The following ADD3 variants were observed in gnomAD, a reference collection of about 807,000 sequenced individuals.
ADD3 encodes the protein adducin 3.
In ADD3, 25 loss-of-function variants were observed where a neutral mutation model predicts 80.2. That is an observed-to-expected ratio of 0.31 (90% CI 0.23 to 0.44). The LOEUF is 0.44. Ranked by LOEUF, ADD3 falls within the 20% of genes least tolerant of loss-of-function variation. The probability of loss-of-function intolerance (pLI) is 1.00; values close to 1 mark genes in which losing one functional copy is unlikely to be tolerated. For missense variants in ADD3, 829 were observed against 847.5 expected (o/e 0.98, Z 0.27); for synonymous variants, 284 against 289.6 (o/e 0.98, Z 0.20).
intron 1 of ADD3, among the ~76,000 whole-genome samples, chr10:110,069,722 G>C (rs540289188): frequency 1.3e-5 from 2 of 152,054 alleles, no homozygotes; most frequent in South Asian, 4.1e-4. Flanking sequence ...ATGGTGATGT[G>C]GTGTCAGATT....
chr10:110,114,935 C>A lies in ADD3; in HGVS notation c.335-1324C>A, dbSNP rs188109784. 2.2e-3 allele frequency among the ~76,000 whole-genome samples: 330 copies of A among 151,864 alleles called. 2 individuals are homozygous for A. The highest frequency in any genetic ancestry group is 3.6e-3 in the Non-Finnish European group (243 of 67,948). Reference sequence around the variant, plus strand: ...TCCACTAAACAAATTAAAAAATTAGCCAGGTGTGGCAGCATGCCCTGTAGT... The same window carrying A: ...TCCACTAAACAAATTAAAAAATTAGACAGGTGTGGCAGCATGCCCTGTAGT... On this transcript the variant is annotated intron_variant, in intron 3 of 14. Transcript: ENST00000356080.
At chr10:110,023,811 A>T (rs1853965833) in intron 1 of ADD3, among the ~76,000 whole-genome samples, 1 of 152,230 alleles carries the variant, frequency 6.6e-6, no homozygotes, top group African/African-American at 2.4e-5. Flanking sequence ...TTGGCTAAAG[A>T]ATAGTCTTTT....
At chr10:110,112,611 T>C (rs1036620855) in intron 2 of ADD3, among the ~76,000 whole-genome samples, 166 bp from the exon 3 acceptor site, 7 of 152,242 alleles carry the variant, frequency 4.6e-5, no homozygotes, top group Non-Finnish European at 7.3e-5. Context: ...TCTTGCTGCT[T>C]CTTGCAGTGC....
intron 1 of ADD3, among the ~76,000 whole-genome samples, chr10:110,040,279 T>C (rs1313766724): frequency 6.6e-6 from 1 of 152,216 alleles, no homozygotes; most frequent in Non-Finnish European, 1.5e-5. Flanking sequence ...TAGTGGAACA[T>C]GTGATGCAGC....
intron 3 of ADD3, among the ~76,000 whole-genome samples, chr10:110,115,624 A>T (rs528316872): frequency 6.6e-6 from 1 of 152,348 alleles, no homozygotes; most frequent in Admixed American, 6.5e-5. Flanking sequence ...GCATGTAGAC[A>T]AGGAATAAGA....
intron 1 of ADD3, among the ~76,000 whole-genome samples, chr10:110,031,993 T>C (rs1855096125): frequency 6.6e-6 from 1 of 152,070 alleles, no homozygotes; most frequent in African/African-American, 2.4e-5. Flanking sequence ...TTGAACGGTA[T>C]AGATCAAGCC....
chr10:110,003,302 G>GGTGTGTGT (rs1554893815), upstream of ADD3, among the ~76,000 whole-genome samples: 2 of 146,942 alleles, frequency 1.4e-5, no homozygotes, highest in Admixed American at 6.8e-5. Context: ...GAACAGTAAG[G>GGTGTGTGT]GTGTGTGTGT....
intron 1 of ADD3, among the ~76,000 whole-genome samples, chr10:110,015,450 A>G (rs1042525626): frequency 6.8e-6 from 1 of 146,828 alleles, no homozygotes; most frequent in East Asian, 2.0e-4. Context: ...ATCTCGGCTC[A>G]CTGCAAGCTC....
chr10:110,067,013 G>A lies in ADD3; in HGVS notation c.-29-33612G>A, dbSNP rs115123452. Among the ~76,000 whole-genome samples, 1,433 of 152,282 alleles carry A rather than the reference G, an allele frequency of 9.4e-3. 21 individuals are homozygous for A. The highest frequency in any genetic ancestry group is 0.029 in the African/African-American group (1,223 of 41,550). ...TCTGTTCTGACTGTGTTAAGAACAC[G>A]GGTCTAGGTGCACTGATTGGTTTCT... On this transcript the variant is annotated intron_variant, in intron 1 of 14. Transcript: ENST00000356080.
At chr10:110,050,345 T>C (rs962221389) in intron 1 of ADD3, among the ~76,000 whole-genome samples, 3 of 152,078 alleles carry the variant, frequency 2.0e-5, no homozygotes, top group Admixed American at 6.5e-5. Context: ...ACTATTCTTA[T>C]GGTAGTGAGT....
intron 1 of ADD3, among the ~76,000 whole-genome samples, chr10:110,027,643 A>G (rs192188100): frequency 8.6e-4 from 131 of 152,316 alleles, no homozygotes; most frequent in African/African-American, 3.0e-3. Flanking sequence ...CAAATTGGAT[A>G]GCATATCCCT....
At chr10:110,052,666 G>A (rs964565147) in intron 1 of ADD3, among the ~76,000 whole-genome samples, 3 of 152,194 alleles carry the variant, frequency 2.0e-5, no homozygotes, top group Non-Finnish European at 4.4e-5. Context: ...TTAAACTGCA[G>A]GCTCCTCCTG....
At chr10:109,997,770 A>G (rs187907832) in intron 1 of ADD3, among the ~76,000 whole-genome samples, 1 of 152,378 alleles carries the variant, frequency 6.6e-6, no homozygotes, top group African/African-American at 2.4e-5. Flanking sequence ...ACACTGATAC[A>G]TCTAAACTTG....
intron 1 of ADD3, among the ~76,000 whole-genome samples, chr10:110,096,130 A>G (rs1222368914): frequency 6.6e-6 from 1 of 152,178 alleles, no homozygotes; most frequent in Non-Finnish European, 1.5e-5. Context: ...TGTCTGTGTT[A>G]TTTATTATAG....
chr10:110,133,261 T>A, intron 14 of ADD3, 65 bp from the exon 15 acceptor site: 2 of 1,479,792 alleles, frequency 1.4e-6, no homozygotes, highest in Non-Finnish European at 1.8e-6. Flanking sequence ...CATTTCAGTT[T>A]TGTAAAGTAG....
At chr10:110,081,977 G>C in intron 1 of ADD3, among the ~76,000 whole-genome samples, 1 of 152,196 alleles carries the variant, frequency 6.6e-6, no homozygotes, top group East Asian at 1.9e-4. Flanking sequence ...AGCTGAAACA[G>C]ACATTTTAAA....
At chr10:110,076,845 A>G (rs1845429244) in intron 1 of ADD3, among the ~76,000 whole-genome samples, 1 of 152,242 alleles carries the variant, frequency 6.6e-6, no homozygotes, top group Admixed American at 6.5e-5. Flanking sequence ...GCTGATCTAC[A>G]AACATGAACT....
At chr10:110,030,288 A>C (rs1854848051) in intron 1 of ADD3, among the ~76,000 whole-genome samples, 1 of 149,584 alleles carries the variant, frequency 6.7e-6, no homozygotes, top group African/African-American at 2.5e-5. Context: ...GCACCATTGC[A>C]CTCCAGCCTG....
chr10:110,065,539 C>CTTTTTT (rs1217733559), intron 1 of ADD3, among the ~76,000 whole-genome samples: 629 of 31,162 alleles, frequency 0.02, 118 homozygotes, highest in African/African-American at 0.039. Context: ...TCTCTCTCCC[C>CTTTTTT]TTTTTTTTTT....
Sources: gnomAD v4.1 joint callset for allele counts (sites outside exome capture counted in the v4.1 genomes callset) on GRCh38, gnomAD v4.1.1 for gene constraint, MANE v1.5 for transcripts, NCBI Gene and HGNC (gene_info 2026-07-23, HGNC 2026-07-21) for gene names.